Variants in OLFML3 observed in about 807,000 individuals in gnomAD.
The protein encoded by OLFML3 is olfactomedin-like protein 3.
Under a neutral mutation model 36.0 loss-of-function variants are expected in OLFML3, and 26 were observed. That is an observed-to-expected ratio of 0.72 (90% confidence interval 0.53 to 1.00). The LOEUF is 1.00. Ranked by LOEUF, OLFML3 falls within the 50% of genes least tolerant of loss-of-function variation. The probability of loss-of-function intolerance (pLI) is 0.00; values close to 1 mark genes in which losing one functional copy is unlikely to be tolerated. For synonymous variants in OLFML3, 184 were observed against 201.2 expected, an observed-to-expected ratio of 0.91 and a Z score of 0.72; for missense variants, 503 against 519.4, an observed-to-expected ratio of 0.97 and a Z score of 0.31.
In OLFML3 at chr1:113,981,804, C is replaced by T. The variant is rs375265468; in HGVS notation, c.*35C>T. Reference sequence around the variant, plus strand: ...CTTGTTTTTTGCATCTTTCTCACTCCCATACATTTATATTATATCCCCACT... The same window carrying T: ...CTTGTTTTTTGCATCTTTCTCACTCTCATACATTTATATTATATCCCCACT... On this transcript the variant is annotated 3_prime_UTR_variant, in exon 3 of 3. Transcript: ENST00000320334. 335 of 1,544,376 alleles carry T rather than the reference C, an allele frequency of 2.2e-4. No individual in the cohort carries two copies. The highest frequency in any genetic ancestry group is 2.5e-4 in the Non-Finnish European group (282 of 1,130,096).
chr1:113,980,025 A>G (rs1673349356), intron 1 of OLFML3: 14 of 1,512,816 alleles, frequency 9.3e-6, no homozygotes, highest in Non-Finnish European at 1.2e-5. Context: ...CTAAGGGAGC[A>G]GAGACCTCTT....
intron 1 of OLFML3, chr1:113,979,854 G>A: frequency 8.8e-7 from 1 of 1,133,652 alleles, no homozygotes; most frequent in East Asian, 2.6e-5. Context: ...GGATTAGATA[G>A]AATAAGGGGG....
In OLFML3 at chr1:113,981,772, A is replaced by C; in HGVS notation, c.*3A>C. The stretch of plus-strand genomic sequence containing the variant: ...GGAAGAAAGAGGAGGAGGTTTGAGG[A>C]GCTAGCCTTGTTTTTTGCATCTTTC... On this transcript the variant is annotated 3_prime_UTR_variant, in exon 3 of 3. Transcript: ENST00000320334. 6.2e-7 allele frequency: 1 copy of C among 1,610,150 alleles called. No individual in the cohort carries two copies. Among genetic ancestry groups the C allele is most frequent in the South Asian group, 1.1e-5 (1 of 90,176 alleles).
At position 113,981,904 on chromosome 1, in the gene OLFML3, T is replaced by A; in HGVS notation, c.*135T>A. The A allele has an allele frequency of 1.3e-6, 1 of 740,920 alleles. No homozygotes were observed. Among genetic ancestry groups the A allele is most frequent in the Non-Finnish European group, 2.2e-6 (1 of 456,376 alleles). 45.9% of individuals were successfully genotyped at this position (740,920 alleles called of 1,614,324 possible). On this transcript the variant is annotated 3_prime_UTR_variant, in exon 3 of 3. Coordinates refer to ENST00000320334, the MANE Select transcript of OLFML3 (RefSeq NM_020190.5). ...CCTCTATATTTTTAGCCAATGGCAA[T>A]CAAATTCTTTCAGCTCCTTTGTTTC...
At position 113,980,938 on chromosome 1, in the gene OLFML3, T is replaced by C; in HGVS notation, c.401-11T>C. On this transcript the variant is annotated splice_polypyrimidine_tract_variant and intron_variant, in intron 2 of 2. Transcript: ENST00000320334. The stretch of plus-strand genomic sequence containing the variant: ...TGCCTCTATTTCCTTTTCCTGTGCT[T>C]TTCTCATCAGACTGTGGCTACACAA... The C allele has an allele frequency of 6.6e-7, 1 of 1,513,620 alleles. No individual in the cohort carries two copies. The highest frequency in any genetic ancestry group is 8.8e-7 in the Non-Finnish European group (1 of 1,131,714). The allele number at this position is 1,513,620 out of a possible 1,614,324, so 93.8% of individuals were successfully genotyped here.
chr1:113,981,572 C>T lies in OLFML3; in HGVS notation c.1024C>T (p.Arg342Trp), dbSNP rs1004148338. ...YVVYNTRPAS[R>W]ARIQCSFDAS... is the part of the protein sequence containing the mutation. Reference sequence around the variant, plus strand: ...CGTCTATAACACCCGTCCTGCCAGTCGGGCCCGCATCCAGTGCTCCTTTGA... The same window carrying T: ...CGTCTATAACACCCGTCCTGCCAGTTGGGCCCGCATCCAGTGCTCCTTTGA... Residue 342 changes from arginine (R) to tryptophan (W), a missense_variant, in exon 3 of 3, where the codon CGG becomes TGG. Arg to Trp is a moderately radical substitution (Grantham distance 101, BLOSUM62 -3). Transcript: ENST00000320334. 10 of 1,614,026 alleles carry T rather than the reference C, an allele frequency of 6.2e-6. No individual in the cohort carries two copies. In the African/African-American group the frequency reaches 8.0e-5, roughly 13 times the overall value.
Position 113,980,970 on chromosome 1 carries a change from A to G in OLFML3, c.422A>G (p.Gln141Arg), listed in dbSNP as rs775978838. ...MVTDCGYTIS[Q>R]VRSMKILKRF... ...TCAGACTGTGGCTACACAATCTCTC[A>G]AGTGAGATCAATGAAGATTCTGAAG... Residue 141 changes from glutamine (Q) to arginine (R), a missense_variant, in exon 3 of 3, where the codon CAA becomes CGA. Coordinates refer to ENST00000320334, the MANE Select transcript of OLFML3 (RefSeq NM_020190.5). 2.0e-6 allele frequency: 3 copies of G among 1,528,090 alleles called. No individual in the cohort carries two copies. The highest frequency in any genetic ancestry group is 1.8e-6 in the Non-Finnish European group (2 of 1,138,238). The allele number at this position is 1,528,090 out of a possible 1,614,324, so 94.7% of individuals were successfully genotyped here. A position where few individuals can be genotyped will look rare whatever the true frequency, so the allele number is the denominator to read the frequency against.
chr1:113,979,961 T>A (rs1283256848), intron 1 of OLFML3: 1 of 1,435,480 alleles, frequency 7.0e-7, no homozygotes, highest in African/African-American at 1.4e-5. Context: ...TATAACTTCC[T>A]GTCTTTTTAA....
At chr1:113,979,748 TTCTC>T in intron 1 of OLFML3, 118 bp downstream of exon 1, 3 of 868,176 alleles carry the variant, frequency 3.5e-6, no homozygotes, top group Non-Finnish European at 5.4e-6. Context: ...CTACAGAAAA[TTCTC>T]TCTTAATAAG....
In OLFML3 at chr1:113,979,503, C is replaced by T. The variant is rs1275379287; in HGVS notation, c.-14C>T. The T allele has an allele frequency of 2.5e-6, 4 of 1,574,698 alleles. No homozygotes were observed. Among genetic ancestry groups the T allele is most frequent in the African/African-American group, 2.7e-5 (2 of 74,148 alleles). On this transcript the variant is annotated 5_prime_UTR_variant, in exon 1 of 3. Transcript: ENST00000320334. ...GTACGTTCCTTCTACTCTGGCACCA[C>T]TCTCCAGGCTGCCATGGGGCCCAGC...
At chr1:113,980,095 A>G in intron 1 of OLFML3, 6 of 1,550,326 alleles carry the variant, frequency 3.9e-6, no homozygotes, top group Non-Finnish European at 5.2e-6. Flanking sequence ...CACTGCTCAC[A>G]GAGAACACAG....
chr1:113,979,640 C>A lies in OLFML3; in HGVS notation c.114+10C>A. ...ACTAGCTGCTTTAGAGGTGAGGGAC[C>A]CCTTTCTCTTCTAGCCCCGCCTAGA... On this transcript the variant is annotated intron_variant, in intron 1 of 2. Coordinates refer to ENST00000320334, the MANE Select transcript of OLFML3 (RefSeq NM_020190.5). 21 of 1,580,170 alleles carry A rather than the reference C, an allele frequency of 1.3e-5. No individual in the cohort carries two copies. The highest frequency in any genetic ancestry group is 1.7e-5 in the Non-Finnish European group (20 of 1,149,162).
intron 2 of OLFML3, 69 bp downstream of exon 2, chr1:113,980,686 CT>C (rs1244427001): frequency 2.8e-6 from 4 of 1,450,270 alleles, no homozygotes; most frequent in Admixed American, 2.6e-5. Context: ...GCTTCTTACT[CT>C]TTTTTTCGCT....
At chr1:113,980,658 C>T (rs767685616) in intron 2 of OLFML3, 41 bp downstream of exon 2, 73 of 1,507,304 alleles carry the variant, frequency 4.8e-5, no homozygotes, top group East Asian at 1.8e-4. Flanking sequence ...TTCTCAGAAC[C>T]GATATTCTTC....
rs759882239 is a variant in OLFML3, at chr1:113,979,499, A to G, written c.-18A>G. On this transcript the variant is annotated 5_prime_UTR_variant, in exon 1 of 3. Coordinates refer to ENST00000320334, the MANE Select transcript of OLFML3 (RefSeq NM_020190.5). ...GACTGTACGTTCCTTCTACTCTGGC[A>G]CCACTCTCCAGGCTGCCATGGGGCC... 1 of 1,569,428 alleles carries G rather than the reference A, an allele frequency of 6.4e-7. No individual in the cohort carries two copies. Among genetic ancestry groups the G allele is most frequent in the East Asian group, 2.2e-5 (1 of 44,674 alleles).
chr1:113,981,706 C>T lies in OLFML3; in HGVS notation c.1158C>T (p.Ala386=), dbSNP rs1673422069. The change falls in exon 3 of 3, where the codon GCC becomes GCT. Residue 386 remains alanine (A), a synonymous_variant. Coordinates refer to ENST00000320334, the MANE Select transcript of OLFML3 (RefSeq NM_020190.5). ...RYNPRERQLY[A]WDDGYQIVYK... ...ACCCCCGAGAACGCCAGCTCTATGC[C>T]TGGGATGATGGCTACCAGATTGTCT... 1 of 1,613,966 alleles carries T rather than the reference C, an allele frequency of 6.2e-7. No individual in the cohort carries two copies. The highest frequency in any genetic ancestry group is 2.2e-5 in the East Asian group (1 of 44,874).
Position 113,981,422 on chromosome 1 carries a change from GA to G in OLFML3, c.875del (p.Asp292ValfsTer10). On this transcript the variant is annotated frameshift_variant, in exon 3 of 3. Coordinates refer to ENST00000320334, the MANE Select transcript of OLFML3 (RefSeq NM_020190.5). LOFTEE classifies it high-confidence loss of function. ...GLWAVYATRE[D>X]DRHLCLAKLD... Reference sequence around the variant, plus strand: ...TTGGGCTGTCTATGCCACCCGGGAGGATGACAGGCACTTGTGTCTGGCCAAG... The same window carrying G: ...TTGGGCTGTCTATGCCACCCGGGAGGTGACAGGCACTTGTGTCTGGCCAAG... 6.2e-7 allele frequency: 1 copy of G among 1,613,108 alleles called. No individual in the cohort carries two copies. The highest frequency in any genetic ancestry group is 2.2e-5 in the East Asian group (1 of 44,864).
At chr1:113,979,872 G>A in intron 1 of OLFML3, 1 of 1,285,044 alleles carries the variant, frequency 7.8e-7, no homozygotes, top group East Asian at 2.6e-5. Flanking sequence ...GGGCAGAGTG[G>A]AAACGAGAGC....
At chr1:113,979,752 C>A in intron 1 of OLFML3, 122 bp downstream of exon 1, 1 of 857,650 alleles carries the variant, frequency 1.2e-6, no homozygotes, top group Non-Finnish European at 1.8e-6. Context: ...AGAAAATTCT[C>A]TCTTAATAAG....
Sources: allele counts gnomAD v4.1 joint callset, GRCh38; gene constraint gnomAD v4.1.1; transcripts MANE v1.5; gene names NCBI Gene and HGNC (gene_info 2026-07-23, HGNC 2026-07-21).